The following PEBP4 variants were observed in gnomAD, a reference collection of about 807,000 sequenced individuals.
PEBP4 encodes the protein phosphatidylethanolamine-binding protein 4.
A neutral mutation model predicts 23.9 loss-of-function variants in PEBP4; 22 were observed. The ratio of observed to expected loss-of-function variants is 0.92; its 90% CI spans 0.66 to 1.31. PEBP4 has a LOEUF of 1.31. Ranked by LOEUF, PEBP4 falls within the 40% of genes most tolerant of loss-of-function variation. The probability of loss-of-function intolerance (pLI) is 0.00; values close to 1 mark genes in which losing one functional copy is unlikely to be tolerated. For missense variants in PEBP4, 324 were observed against 281.7 expected (o/e 1.15, Z -1.07); for synonymous variants, 112 against 99.3 (o/e 1.13, Z -0.76).
At position 22,747,351 on chromosome 8, in the gene PEBP4, C is replaced by G. The variant is rs111908316; in HGVS notation, c.358-20131G>C. Among the ~76,000 whole-genome samples the G allele has an allele frequency of 3.9e-3, 580 of 150,344 alleles. 6 individuals are homozygous for G. The highest frequency in any genetic ancestry group is 0.013 in the African/African-American group (537 of 40,858). On this transcript the variant is annotated intron_variant, in intron 4 of 6. Coordinates refer to ENST00000256404, the MANE Select transcript of PEBP4 (RefSeq NM_144962.3). ...GTGCCACTGTGTAGATCCAGGGTCT[C>G]TGCTGTGCCCAGCCTCCTGTACAGC...
At position 22,770,538 on chromosome 8, in the gene PEBP4, G is replaced by A. The variant is rs1805697445; in HGVS notation, c.358-43318C>T. ...GGTCCCCTGAGTGAATCTCTGGGTG[G>A]GTTGGGGTCTGGGGTGAATGGGAGA... On this transcript the variant is annotated intron_variant, in intron 4 of 6. Coordinates refer to ENST00000256404, the MANE Select transcript of PEBP4 (RefSeq NM_144962.3). Among the ~76,000 whole-genome samples, 2 of 152,240 alleles carry A rather than the reference G, an allele frequency of 1.3e-5. 1 individual carries two copies. The highest frequency in any genetic ancestry group is 4.1e-4 in the South Asian group (2 of 4,836).
At chr8:22,906,042 A>T (rs1043548452) in intron 3 of PEBP4, among the ~76,000 whole-genome samples, 1 of 152,148 alleles carries the variant, frequency 6.6e-6, no homozygotes, top group Non-Finnish European at 1.5e-5. Context: ...CTGACATTGC[A>T]TATCCCCAAA....
chr8:22,925,418 C>A (rs1809305734), intron 2 of PEBP4: 8 of 756,768 alleles, frequency 1.1e-5, no homozygotes, highest in Non-Finnish European at 1.1e-5. Context: ...GGCTCTGCTA[C>A]TTTTAAGCTA....
intron 3 of PEBP4, among the ~76,000 whole-genome samples, chr8:22,870,276 C>A (rs769418412): frequency 1.3e-5 from 2 of 152,174 alleles, no homozygotes; most frequent in Non-Finnish European, 2.9e-5. Flanking sequence ...AGCTACCAAG[C>A]CATGAAAAGA....
At chr8:22,877,276 T>C (rs1035679445) in intron 3 of PEBP4, among the ~76,000 whole-genome samples, 2 of 152,100 alleles carry the variant, frequency 1.3e-5, no homozygotes, top group African/African-American at 4.8e-5. Context: ...CAGCTGACTT[T>C]GGAATAGAAA....
intron 3 of PEBP4, among the ~76,000 whole-genome samples, chr8:22,848,924 G>C (rs1807495897): frequency 6.6e-6 from 1 of 152,206 alleles, no homozygotes; most frequent in Non-Finnish European, 1.5e-5. Flanking sequence ...CCATCATTCA[G>C]AGAGCCAGAT....
chr8:22,803,290 C>G (rs1806427209), intron 4 of PEBP4, among the ~76,000 whole-genome samples: 1 of 152,162 alleles, frequency 6.6e-6, no homozygotes. Flanking sequence ...CTGCAAATAT[C>G]ACGTTCGTAT....
chr8:22,867,331 AT>A (rs1807925648), intron 3 of PEBP4, among the ~76,000 whole-genome samples: 2 of 152,022 alleles, frequency 1.3e-5, no homozygotes, highest in Admixed American at 6.6e-5. Context: ...TACCATGCAC[AT>A]TTTCATTAAT....
chr8:22,789,711 G>C (rs1287828135), intron 4 of PEBP4, among the ~76,000 whole-genome samples: 2 of 152,304 alleles, frequency 1.3e-5, no homozygotes, highest in African/African-American at 4.8e-5. Flanking sequence ...CCCAGAGCTA[G>C]GCTTCACTGT....
intron 4 of PEBP4, among the ~76,000 whole-genome samples, chr8:22,727,868 C>T (rs936345401): frequency 1.3e-5 from 2 of 152,094 alleles, no homozygotes; most frequent in African/African-American, 2.4e-5. Context: ...TCTTTCCCTC[C>T]CTCCTCCCCT....
chr8:22,882,739 G>C (rs1280111709), intron 3 of PEBP4, among the ~76,000 whole-genome samples: 1 of 152,098 alleles, frequency 6.6e-6, no homozygotes, highest in East Asian at 1.9e-4. Context: ...ATTTGCTTAT[G>C]AAAACCTACC....
rs1280518480 is a variant in PEBP4 at position 22,870,616 on chromosome 8, C to T, written c.258+49568G>A. Among the ~76,000 whole-genome samples the T allele has an allele frequency of 2.0e-5, 3 of 152,044 alleles. No individual in the cohort carries two copies. The East Asian group carries it at 5.8e-4, about 29-fold the overall frequency. The stretch of plus-strand genomic sequence containing the variant: ...TGAGAATGACATGTCAATGTAGGTT[C>T]CTCAAATGTAACAAATGCACCCCTC... On this transcript the variant is annotated intron_variant, in intron 3 of 6. Transcript: ENST00000256404.
At chr8:22,868,490 C>A (rs984097972) in intron 3 of PEBP4, among the ~76,000 whole-genome samples, 1 of 152,024 alleles carries the variant, frequency 6.6e-6, no homozygotes, top group East Asian at 1.9e-4. Context: ...CCTTTTTATT[C>A]CCCACAGAAC....
chr8:22,862,179 G>A (rs541002981), intron 3 of PEBP4, among the ~76,000 whole-genome samples: 2 of 152,070 alleles, frequency 1.3e-5, no homozygotes, highest in African/African-American at 2.4e-5. Flanking sequence ...CACAGGAGTC[G>A]GGGGCCTGGG....
At chr8:22,773,015 CTTCCCCACCCCCTACCCCTCT>C (rs916969315) in intron 4 of PEBP4, among the ~76,000 whole-genome samples, 3 of 151,988 alleles carry the variant, frequency 2.0e-5, no homozygotes, top group African/African-American at 4.8e-5. Context: ...CCATCTTGGC[CTTCCCCACCCCCTACCCCTCT>C]TTCCCCACCC....
At chr8:22,858,139 G>A (rs1250294963) in intron 3 of PEBP4, among the ~76,000 whole-genome samples, 1 of 152,200 alleles carries the variant, frequency 6.6e-6, no homozygotes, top group Non-Finnish European at 1.5e-5. Context: ...AGAAGGGATA[G>A]CTTCAGCAGC....
Position 22,927,803 on chromosome 8 carries a change from C to T in PEBP4, c.-7+20G>A. On this transcript the variant is annotated intron_variant, in intron 1 of 6. Transcript: ENST00000256404. ...TACCTGTGCCCCCGACCCCAGGGGC[C>T]CACTTGGCAGGATAGAGACCTCTGG... The T allele has an allele frequency of 6.4e-7, 1 of 1,551,056 alleles. No homozygotes were observed. Among genetic ancestry groups the T allele is most frequent in the South Asian group, 1.2e-5 (1 of 86,430 alleles).
At chr8:22,771,767 G>A (rs192224996) in intron 4 of PEBP4, among the ~76,000 whole-genome samples, 350 of 152,312 alleles carry the variant, frequency 2.3e-3, no homozygotes, top group Non-Finnish European at 3.9e-3. Flanking sequence ...ACACCTGGGC[G>A]TTACTGCCCC....
intron 3 of PEBP4, among the ~76,000 whole-genome samples, chr8:22,916,563 T>C (rs574243794): frequency 1.3e-5 from 2 of 152,284 alleles, no homozygotes; most frequent in African/African-American, 4.8e-5. Context: ...GTTTAGCAGC[T>C]TTCCTTCAAC....
Sources: allele counts gnomAD v4.1 joint callset (sites outside exome capture counted in the v4.1 genomes callset), GRCh38; gene constraint gnomAD v4.1.1; transcripts MANE v1.5; gene names NCBI Gene and HGNC (gene_info 2026-07-23, HGNC 2026-07-21).